The following DRC3 variants were observed in gnomAD, a reference collection of about 807,000 sequenced individuals.
DRC3 encodes the protein dynein regulatory complex subunit 3.
In DRC3, 45 loss-of-function variants were observed where a neutral mutation model predicts 57.6. The observed-to-expected ratio is 0.78, with a 90% CI of 0.62 to 1.00. The LOEUF (loss-of-function observed/expected upper bound fraction) is 1.00. Among genes scored for constraint, DRC3 ranks in the 50% least tolerant of loss-of-function variants. The probability of loss-of-function intolerance (pLI) is 0.00; values close to 1 mark genes in which losing one functional copy is unlikely to be tolerated. For synonymous variants in DRC3, 257 were observed against 272.3 expected, an observed-to-expected ratio of 0.94 and a Z score of 0.55; for missense variants, 655 against 675.2, an observed-to-expected ratio of 0.97 and a Z score of 0.33.
chr17:18,007,469 T>G (rs1365124393), intron 12 of DRC3: 3 of 1,551,308 alleles, frequency 1.9e-6, no homozygotes, highest in Non-Finnish European at 2.6e-6. Context: ...AGGTAGAGGT[T>G]GAAGTCTGAG....
chr17:18,003,337 T>G (rs2043814189), intron 9 of DRC3, among the ~76,000 whole-genome samples: 1 of 151,194 alleles, frequency 6.6e-6, no homozygotes, highest in African/African-American at 2.4e-5. Flanking sequence ...ACAAAAAAAA[T>G]TAGCCGGTCA....
intron 9 of DRC3, among the ~76,000 whole-genome samples, chr17:18,000,484 C>T (rs907715060): frequency 6.6e-6 from 1 of 152,146 alleles, no homozygotes; most frequent in African/African-American, 2.4e-5. Context: ...TAAAATATCG[C>T]ATTGCATGGG....
chr17:18,000,302 G>A (rs1352720450), intron 9 of DRC3, among the ~76,000 whole-genome samples: 3 of 51,916 alleles, frequency 5.8e-5, no homozygotes, highest in Non-Finnish European at 1.0e-4. Context: ...TTGCTTTCGT[G>A]TGTGTGTGTG....
intron 10 of DRC3, 44 bp from the exon 11 acceptor site, chr17:18,006,139 G>A: frequency 7.0e-7 from 1 of 1,437,372 alleles, no homozygotes; most frequent in Non-Finnish European, 9.7e-7. Context: ...CTCTGTGCTG[G>A]ACATCTAAAT....
chr17:17,977,207 A>C (rs918506448), intron 2 of DRC3, among the ~76,000 whole-genome samples: 5 of 152,150 alleles, frequency 3.3e-5, no homozygotes, highest in Admixed American at 2.6e-4. Context: ...AGTGGTTGGT[A>C]CCCACAAGCC....
intron 10 of DRC3, 159 bp from the exon 11 acceptor site, chr17:18,006,024 G>GGTCA (rs1309147009): frequency 1.6e-6 from 1 of 632,246 alleles, no homozygotes. Flanking sequence ...AGAGCAGAGG[G>GGTCA]GTCAGTTCAC....
rs1169462036 is a variant in DRC3 at position 17,977,546 on chromosome 17, A to C, written c.-17-36A>C. On this transcript the variant is annotated intron_variant, in intron 2 of 13. Transcript: ENST00000399187. ...AGACCCTGCCCTCAAACAGAGAAAG[A>C]AGCAGGCCGTGAAGGAAGAATGCGG... 6 of 1,612,176 alleles carry C rather than the reference A, an allele frequency of 3.7e-6. No individual in the cohort carries two copies. In the East Asian group the frequency reaches 1.1e-4, roughly 30 times the overall value.
At chr17:18,011,067 C>T (rs1020293898) in intron 12 of DRC3, 1 of 208,640 alleles carries the variant, frequency 4.8e-6, no homozygotes, top group Non-Finnish European at 9.8e-6. Context: ...AAGTGATTCT[C>T]CTGCCTCAGC....
chr17:17,997,200 C>T (rs1235881361), intron 8 of DRC3, among the ~76,000 whole-genome samples: 1 of 152,082 alleles, frequency 6.6e-6, no homozygotes, highest in Non-Finnish European at 1.5e-5. Context: ...TGCCTCCTTC[C>T]TTCACACAGG....
chr17:17,979,489 C>T (rs1311426365), intron 3 of DRC3, among the ~76,000 whole-genome samples: 1 of 152,208 alleles, frequency 6.6e-6, no homozygotes, highest in East Asian at 1.9e-4. Flanking sequence ...GAGGTGGTGG[C>T]CACAGGGGCA....
chr17:18,006,467 G>A (rs901966465), intron 11 of DRC3: 2 of 584,052 alleles, frequency 3.4e-6, no homozygotes, highest in Admixed American at 3.0e-5. Flanking sequence ...TCTCATATGA[G>A]TGATGTTCAC....
intron 4 of DRC3, among the ~76,000 whole-genome samples, chr17:17,986,904 A>G (rs1001489835): frequency 1.3e-5 from 2 of 152,084 alleles, no homozygotes; most frequent in Non-Finnish European, 2.9e-5. Flanking sequence ...AACCCTGAAA[A>G]CCTGTAGTGG....
Position 17,977,716 on chromosome 17 carries a change from A to G in DRC3, c.118A>G (p.Ile40Val). Residue 40 changes from isoleucine (I) to valine (V), a missense_variant, in exon 3 of 14, where the codon ATC (isoleucine) becomes GTC (valine). Transcript: ENST00000399187. ...CGGGCAGCTGGCCAAGCAGGAGGGC[A>G]TCCTCTTCAAGGATGTCCTGTCCCT... The part of the protein sequence containing the change: ...EAGQLAKQEG[I>V]LFKDVLSLQL... 6.2e-7 allele frequency: 1 copy of G among 1,613,384 alleles called. No homozygotes were observed. The highest frequency in any genetic ancestry group is 8.5e-7 in the Non-Finnish European group (1 of 1,179,640).
intron 3 of DRC3, among the ~76,000 whole-genome samples, chr17:17,983,604 A>G (rs2042816399): frequency 1.3e-5 from 2 of 151,884 alleles, no homozygotes; most frequent in Admixed American, 1.3e-4. Flanking sequence ...TAGTAAACCT[A>G]TTAGGTCTTT....
intron 6 of DRC3, 67 bp from the exon 7 acceptor site, chr17:17,994,218 AGCATGGCAGAGGCG>A (rs796577979): frequency 2.6e-5 from 40 of 1,523,214 alleles, no homozygotes; most frequent in South Asian, 4.9e-5. Flanking sequence ...GGGAGGCTGC[AGCATGGCAGAGGCG>A]GCATGGCAGA....
intron 6 of DRC3, chr17:17,993,974 AAC>A (rs2043340768): frequency 6.4e-6 from 2 of 314,756 alleles, no homozygotes; most frequent in Non-Finnish European, 1.2e-5. Context: ...CTCTGTGGAG[AAC>A]ACCCAGTCTG....
intron 9 of DRC3, among the ~76,000 whole-genome samples, chr17:18,002,429 T>G (rs1568520870): frequency 6.6e-6 from 1 of 152,180 alleles, no homozygotes; most frequent in Admixed American, 6.5e-5. Flanking sequence ...CCAGGCCCTT[T>G]GCTAGTAAGC....
intron 8 of DRC3, chr17:17,995,475 C>T: frequency 1.9e-5 from 4 of 210,086 alleles, no homozygotes; most frequent in South Asian, 7.5e-5. Flanking sequence ...TCAACCACCC[C>T]ACTAGGCAGG....
intron 9 of DRC3, among the ~76,000 whole-genome samples, chr17:18,001,069 CTTTCTTTT>C (rs1568517407): frequency 6.6e-6 from 1 of 151,354 alleles, no homozygotes; most frequent in Non-Finnish European, 1.5e-5. Flanking sequence ...CTGGCTGTTT[CTTTCTTTT>C]TTTCTTTTTC....
Sources: allele counts gnomAD v4.1 joint callset (sites outside exome capture counted in the v4.1 genomes callset), GRCh38; gene constraint gnomAD v4.1.1; transcripts MANE v1.5; gene names NCBI Gene and HGNC (gene_info 2026-07-23, HGNC 2026-07-21).